Variants in ARHGAP35 observed in about 807,000 individuals in gnomAD.
ARHGAP35 encodes rho GTPase-activating protein 35.
In ARHGAP35, 15 loss-of-function variants were observed where a neutral mutation model predicts 111.1. The ratio of observed to expected loss-of-function variants is 0.13; its 90% CI spans 0.09 to 0.21. The LOEUF (loss-of-function observed/expected upper bound fraction) is 0.21, where lower values mean the gene tolerates loss of function less well. Ranked by LOEUF, ARHGAP35 falls within the 10% of genes least tolerant of loss-of-function variation. The pLI, the probability that ARHGAP35 is intolerant of heterozygous loss-of-function variation, is 1.00. For synonymous variants in ARHGAP35, 643 were observed against 710.3 expected, an observed-to-expected ratio of 0.91 and a Z score of 1.51; for missense variants, 1,262 against 1,873.0, an observed-to-expected ratio of 0.67 and a Z score of 6.02.
At chr19:46,997,777 G>A (rs1290448500) in intron 5 of ARHGAP35, 1 of 152,248 alleles carries the variant, frequency 6.6e-6, no homozygotes, top group Non-Finnish European at 1.5e-5. Context: ...CCTGCTGCAA[G>A]GTGACTAGGA....
intron 1 of ARHGAP35, among the ~76,000 whole-genome samples, chr19:46,914,726 T>C (rs2056154989): frequency 6.6e-6 from 1 of 152,236 alleles, no homozygotes; most frequent in Admixed American, 6.5e-5. Context: ...AGGTGTTGAA[T>C]GGATAATACA....
At chr19:46,997,143 C>T (rs967935510) in intron 5 of ARHGAP35, among the ~76,000 whole-genome samples, 7 of 152,004 alleles carry the variant, frequency 4.6e-5, no homozygotes, top group Admixed American at 1.3e-4. Flanking sequence ...GGCAACAGAG[C>T]GAGACTCCAT....
chr19:46,872,078 G>T (rs753617547), intron 1 of ARHGAP35, among the ~76,000 whole-genome samples: 2 of 151,958 alleles, frequency 1.3e-5, no homozygotes, highest in Non-Finnish European at 2.9e-5. Flanking sequence ...CTATATGAAT[G>T]TTTATAAATT....
intron 1 of ARHGAP35, among the ~76,000 whole-genome samples, chr19:46,880,323 T>C (rs2055954661): frequency 6.6e-6 from 1 of 151,980 alleles, no homozygotes; most frequent in Non-Finnish European, 1.5e-5. Context: ...TCCCAGCTAC[T>C]CGGGAGGCTG....
At position 46,919,841 on chromosome 19, in the gene ARHGAP35, A is replaced by G; in HGVS notation, c.1166A>G (p.Asp389Gly). Residue 389 changes from aspartate to glycine, a missense_variant, in exon 2 of 7, where the codon GAT becomes GGT. Physicochemically the swap from Asp to Gly is moderately conservative, Grantham distance 94. This residue lies in a region of ARHGAP35 where 328 missense variants were observed against 440.8 expected (regional missense o/e 0.74). Transcript: ENST00000672722. The surrounding 1 kb of genome is among the most constrained non-coding windows in gnomAD (Gnocchi z 6.2). The stretch of plus-strand genomic sequence containing the variant: ...GTTGTGCTTGAAGAGACCCCATGGG[A>G]TGCCACCAGTCACATTGACAACATG... Reference protein sequence around the residue: ...WFVVLEETPWDATSHIDNMEN... With the variant: ...WFVVLEETPWGATSHIDNMEN... 1 of 1,614,040 alleles carries G rather than the reference A, an allele frequency of 6.2e-7. No individual in the cohort carries two copies. Among genetic ancestry groups the G allele is most frequent in the Non-Finnish European group, 8.5e-7 (1 of 1,179,880 alleles).
chr19:46,996,376 A>T (rs918700826), intron 5 of ARHGAP35, among the ~76,000 whole-genome samples: 1 of 152,174 alleles, frequency 6.6e-6, no homozygotes, highest in Non-Finnish European at 1.5e-5. Flanking sequence ...TGCTGGGATT[A>T]CAGGCCTGAG....
In ARHGAP35 at chr19:46,936,202, A is replaced by G. The variant is rs569944321; in HGVS notation, c.3682-1062A>G. 6.2e-4 allele frequency among the ~76,000 whole-genome samples: 94 copies of G among 152,246 alleles called. 1 individual carries two copies. The highest frequency in any genetic ancestry group is 1.9e-3 in the African/African-American group (77 of 41,546). ...GGCTGCAGTGAGCTGTGGTTGTGCC[A>G]CTGTACTCCAGCCTGAGCAACACAG... On this transcript the variant is annotated intron_variant, in intron 2 of 6. Coordinates refer to ENST00000672722, the MANE Select transcript of ARHGAP35 (RefSeq NM_004491.5).
At position 46,939,780 on chromosome 19, in the gene ARHGAP35, A is replaced by G. The variant is rs115855919; in HGVS notation, c.3826+2372A>G. Among the ~76,000 whole-genome samples, 1,472 of 152,228 alleles carry G rather than the reference A, an allele frequency of 9.7e-3. 19 individuals carry two copies. Among genetic ancestry groups the G allele is most frequent in the African/African-American group, 0.031 (1,302 of 41,522 alleles). On this transcript the variant is annotated intron_variant, in intron 3 of 6. Transcript: ENST00000672722. ...ACATTCTCTTATAGAACCACTGTGC[A>G]TTTATCAAAATTAGGAAATCAACAT...
intron 3 of ARHGAP35, among the ~76,000 whole-genome samples, chr19:46,980,142 T>C (rs2056613447): frequency 6.6e-6 from 1 of 152,026 alleles, no homozygotes; most frequent in Non-Finnish European, 1.5e-5. Context: ...CCCAGCACTT[T>C]GGGAGGCAAA....
At chr19:46,863,334 T>TG (rs1405861220) in intron 1 of ARHGAP35, among the ~76,000 whole-genome samples, 1 of 152,176 alleles carries the variant, frequency 6.6e-6, no homozygotes, top group Non-Finnish European at 1.5e-5. Flanking sequence ...GGTAAATAGG[T>TG]GGGGGTTGGT....
intron 2 of ARHGAP35, among the ~76,000 whole-genome samples, chr19:46,928,145 C>G (rs1224067405): frequency 6.6e-6 from 1 of 152,018 alleles, no homozygotes; most frequent in Non-Finnish European, 1.5e-5. Flanking sequence ...TTATTTTAAG[C>G]CTGAAGAACT....
At chr19:46,991,006 G>A (rs966799006) in intron 5 of ARHGAP35, among the ~76,000 whole-genome samples, 1 of 152,208 alleles carries the variant, frequency 6.6e-6, no homozygotes, top group Non-Finnish European at 1.5e-5. Flanking sequence ...GCAGGAGAGC[G>A]TGGTACTCCT....
intron 3 of ARHGAP35, among the ~76,000 whole-genome samples, chr19:46,960,892 G>C (rs1197511312): frequency 6.8e-6 from 1 of 146,790 alleles, no homozygotes; most frequent in Non-Finnish European, 1.5e-5. Context: ...TATTTCTTTG[G>C]CTTTTTTTTT....
Position 46,919,884 on chromosome 19 carries a change from C to A in ARHGAP35, c.1209C>A (p.Pro403=), listed in dbSNP as rs2056187567. Reference sequence around the variant, plus strand: ...ACAACATGGAAAACGAACGGATTCCCTTTGATTTAATGGATACCGTCCCTG... The same window carrying A: ...ACAACATGGAAAACGAACGGATTCCATTTGATTTAATGGATACCGTCCCTG... The part of the protein sequence containing the change: ...HIDNMENERI[P]FDLMDTVPAE... The change falls in exon 2 of 7, where the codon CCC becomes CCA. Residue 403 remains proline, a synonymous_variant. Coordinates refer to ENST00000672722, the MANE Select transcript of ARHGAP35 (RefSeq NM_004491.5). The surrounding 1 kb of genome is among the most constrained non-coding windows in gnomAD (Gnocchi z 6.2). 4 of 1,613,990 alleles carry A rather than the reference C, an allele frequency of 2.5e-6. No individual in the cohort carries two copies. Among genetic ancestry groups the A allele is most frequent in the Non-Finnish European group, 3.4e-6 (4 of 1,179,882 alleles).
rs941405807 is a variant in ARHGAP35 at position 46,908,130 on chromosome 19, A to C, written c.-188-10358A>C. Among the ~76,000 whole-genome samples, 1 of 152,226 alleles carries C rather than the reference A, an allele frequency of 6.6e-6. No individual in the cohort carries two copies. The highest frequency in any genetic ancestry group is 1.5e-5 in the Non-Finnish European group (1 of 68,032). On this transcript the variant is annotated intron_variant, in intron 1 of 6. Transcript: ENST00000672722. This position sits in a 1 kb window ranked among gnomAD's most constrained non-coding sequence, Gnocchi z 4.2. ...ACGCAGCCTCCACTCTTCTTGCGTC[A>C]GGGACATTTATATAGAGAATGTTCT... is the stretch of plus-strand genomic sequence containing the variant.
At position 46,999,397 on chromosome 19, in the gene ARHGAP35, C is replaced by A; in HGVS notation, c.4130C>A (p.Ser1377Tyr). The A allele has an allele frequency of 6.3e-7, 1 of 1,582,058 alleles. No individual in the cohort carries two copies. The highest frequency in any genetic ancestry group is 1.8e-5 in the Admixed American group (1 of 54,898). The change falls in exon 6 of 7, where the codon TCT becomes TAT. Residue 1377 changes from serine (S) to tyrosine (Y), a missense_variant. This residue lies in a region of ARHGAP35 where 50 missense variants were observed against 60.5 expected (regional missense o/e 0.83). Transcript: ENST00000672722. This position sits in a 1 kb window ranked among gnomAD's most constrained non-coding sequence, Gnocchi z 5.4. ...ENHEVFKYVI[S>Y]HLNKVSHNNK... ...CACGAAGTCTTCAAGTATGTCATCT[C>A]TCACCTAAACAAGTAAGTCGCAGGG...
chr19:46,878,634 G>GT (rs2055940151), intron 1 of ARHGAP35, among the ~76,000 whole-genome samples: 1 of 151,954 alleles, frequency 6.6e-6, no homozygotes, highest in African/African-American at 2.4e-5. Context: ...AACTTCCTTT[G>GT]TTTTTGTTGT....
chr19:46,884,701 G>C (rs995961750), intron 1 of ARHGAP35, among the ~76,000 whole-genome samples: 2 of 151,548 alleles, frequency 1.3e-5, no homozygotes, highest in African/African-American at 4.8e-5. Flanking sequence ...TGCCCCAGCT[G>C]GTCTTGAACT....
chr19:46,861,749 C>T (rs1478681004), intron 1 of ARHGAP35, among the ~76,000 whole-genome samples: 1 of 152,108 alleles, frequency 6.6e-6, no homozygotes, highest in African/African-American at 2.4e-5. Flanking sequence ...TTTGACCTAC[C>T]TTCTGTGCTA....
Sources: gnomAD v4.1 joint callset for allele counts (sites outside exome capture counted in the v4.1 genomes callset) on GRCh38, gnomAD v4.1.1 for gene constraint, gnomAD v4.1.1 regional missense constraint, Gnocchi (gnomAD v3.1) non-coding constraint, MANE v1.5 for transcripts, NCBI Gene and HGNC (gene_info 2026-07-23, HGNC 2026-07-21) for gene names.